The following ENOSF1 variants were observed in gnomAD, a reference collection of about 807,000 sequenced individuals.
ENOSF1 encodes mitochondrial enolase superfamily member 1.
In ENOSF1, 73 loss-of-function variants were observed where a neutral mutation model predicts 68.2. The ratio of observed to expected loss-of-function variants is 1.07; its 90% CI spans 0.89 to 1.30. The LOEUF is 1.30. Ranked by LOEUF, ENOSF1 falls within the 50% of genes most tolerant of loss-of-function variation. The probability of loss-of-function intolerance (pLI) is 0.00; values close to 1 mark genes in which losing one functional copy is unlikely to be tolerated. For synonymous variants in ENOSF1, 223 were observed against 210.4 expected (o/e 1.06, Z -0.52); for missense variants, 589 against 554.5 (o/e 1.06, Z -0.62).
At position 675,332 on chromosome 18, in the gene ENOSF1, T is replaced by C. The variant is rs2075377611; in HGVS notation, c.1219A>G (p.Met407Val). Reference protein sequence around the residue: ...YPVMIQRASYMPPKDPGYSTE... With the variant: ...YPVMIQRASYVPPKDPGYSTE... ...AGGCCACAGCTTACCTTGGGAGGCATGTAGGAAGCCCGCTGGATCATCACG... is the reference window on the plus strand; with the variant it reads ...AGGCCACAGCTTACCTTGGGAGGCACGTAGGAAGCCCGCTGGATCATCACG... The change falls in exon 15 of 16, where the codon ATG (methionine) becomes GTG (valine). Residue 407 changes from methionine (M) to valine (V), a missense_variant. Coordinates refer to ENST00000647584, the MANE Select transcript of ENOSF1 (RefSeq NM_017512.7). 6.2e-7 allele frequency: 1 copy of C among 1,611,734 alleles called. No homozygotes were observed. Among genetic ancestry groups the C allele is most frequent in the Non-Finnish European group, 8.5e-7 (1 of 1,179,406 alleles).
chr18:678,617 C>T (rs1463540733), intron 12 of ENOSF1, 79 bp downstream of exon 12: 8 of 1,438,536 alleles, frequency 5.6e-6, no homozygotes, highest in Non-Finnish European at 7.8e-6. Flanking sequence ...GAGCCTAACA[C>T]ACAACTGTGT....
chr18:681,902 T>C (rs950156967), intron 11 of ENOSF1, among the ~76,000 whole-genome samples: 2 of 152,212 alleles, frequency 1.3e-5, no homozygotes, highest in Non-Finnish European at 2.9e-5. Context: ...GATCATGTGC[T>C]GATTTGCTGA....
At chr18:697,428 A>C in intron 2 of ENOSF1, 73 bp from the exon 3 acceptor site, 3 of 1,125,262 alleles carry the variant, frequency 2.7e-6, no homozygotes, top group Non-Finnish European at 4.0e-6. Context: ...AAAACATCAC[A>C]AACAAACAAA....
downstream of ENOSF1, among the ~76,000 whole-genome samples, chr18:667,131 A>AGATGGTGATGGTGATGGTGATGGT (rs1179372941): frequency 5.8e-5 from 2 of 34,742 alleles, no homozygotes; most frequent in Non-Finnish European, 4.8e-5. Flanking sequence ...ATGGTGATGG[A>AGATGGTGATGGTGATGGTGATGGT]GATGGTGATG....
chr18:682,713 A>G (rs2076192252), intron 11 of ENOSF1, among the ~76,000 whole-genome samples: 1 of 128,990 alleles, frequency 7.8e-6, no homozygotes, highest in African/African-American at 3.2e-5. Flanking sequence ...TACTAAAAAT[A>G]CCAAAAAAAA....
chr18:677,381 A>G lies in ENOSF1; in HGVS notation c.1112T>C (p.Phe371Ser), dbSNP rs200409562. The stretch of plus-strand genomic sequence containing the variant: ...GCTTGCAGAAACTGATATGTAGTCA[A>G]ATATAATCAGGTGCTGCACCAGTTC... ...LCELVQHLII[F>S]DYISVSASLE... The change falls in exon 14 of 16, where the codon TTT (phenylalanine) becomes TCT (serine). Residue 371 changes from phenylalanine to serine, a missense_variant. Transcript: ENST00000647584. The G allele has an allele frequency of 3.4e-4, 548 of 1,613,906 alleles. 1 individual carries two copies. The highest frequency in any genetic ancestry group is 4.2e-4 in the Non-Finnish European group (491 of 1,179,968).
At chr18:683,402 A>G in intron 10 of ENOSF1, 22 bp from the exon 11 acceptor site, 2 of 1,613,762 alleles carry the variant, frequency 1.2e-6, no homozygotes, top group South Asian at 2.2e-5. Context: ...GACTCTTCAC[A>G]GGGAGGTCAG....
intron 1 of ENOSF1, among the ~76,000 whole-genome samples, chr18:710,835 G>A (rs2079443835): frequency 6.6e-6 from 1 of 152,238 alleles, no homozygotes; most frequent in South Asian, 2.1e-4. Context: ...CAGAGGCAAA[G>A]GCAGTTGCAT....
At position 677,807 on chromosome 18, in the gene ENOSF1, GTCAATCTGGAGGAAC is replaced by G; in HGVS notation, c.969_983del (p.Gln323_Asp328delinsHis). The G allele has an allele frequency of 6.2e-7, 1 of 1,614,150 alleles. No homozygotes were observed. The highest frequency in any genetic ancestry group is 8.5e-7 in the Non-Finnish European group (1 of 1,180,002). On this transcript the variant is annotated inframe_deletion, in exon 13 of 16. Transcript: ENST00000647584. ...CATTGACACTGCCCAGTCTGCAACT[GTCAATCTGGAGGAAC>G]TGCAGGGCCTTCGCCTGTAGGAGTT...
At chr18:666,286 G>A (rs554369478), downstream of ENOSF1, among the ~76,000 whole-genome samples, 2 of 151,766 alleles carry the variant, frequency 1.3e-5, no homozygotes, top group East Asian at 3.9e-4. Context: ...GGGACAAAAT[G>A]CCCCCATTGC....
Position 674,223 on chromosome 18 carries a change from T to A in ENOSF1, c.*82A>T, listed in dbSNP as rs1231819636. 3.1e-6 allele frequency: 3 copies of A among 968,576 alleles called. No homozygotes were observed. Among genetic ancestry groups the A allele is most frequent in the South Asian group, 1.5e-5 (1 of 65,182 alleles). The allele number at this position is 968,576 out of a possible 1,614,324, so 60.0% of individuals were successfully genotyped here. On this transcript the variant is annotated 3_prime_UTR_variant, in exon 16 of 16. Coordinates refer to ENST00000647584, the MANE Select transcript of ENOSF1 (RefSeq NM_017512.7). ...ACTCATCTTGATCGGTAGGATTTTT[T>A]AAATCCATTTTTGTAAAACTATTTC...
chr18:671,086 T>A lies in ENOSF1; in HGVS notation c.*3219A>T. The A allele has an allele frequency of 1.6e-6, 1 of 631,484 alleles. No homozygotes were observed. The highest frequency in any genetic ancestry group is 2.7e-6 in the Non-Finnish European group (1 of 368,524). 39.1% of individuals were successfully genotyped at this position (631,484 alleles called of 1,614,324 possible). A position where few individuals can be genotyped will look rare whatever the true frequency, so the allele number is the denominator to read the frequency against. ...CTAACAGATCTATACAGGTTGTTTG[T>A]GATACAGCTTCTATGGATTTTCTCA... On this transcript the variant is annotated 3_prime_UTR_variant, in exon 16 of 16. Transcript: ENST00000647584.
chr18:677,288 C>G, intron 14 of ENOSF1, 57 bp downstream of exon 14: 1 of 1,411,872 alleles, frequency 7.1e-7, no homozygotes, highest in Non-Finnish European at 1.0e-6. Context: ...TTTACAAGCT[C>G]TGGCCTGGAT....
At chr18:682,715 C>CAAAAAAAAAAAAAAAA (rs35814994) in intron 11 of ENOSF1, among the ~76,000 whole-genome samples, 1 of 56,672 alleles carries the variant, frequency 1.8e-5, no homozygotes, top group East Asian at 4.4e-4. Flanking sequence ...CTAAAAATAC[C>CAAAAAAAAAAAAAAAA]AAAAAAAAAA....
At chr18:664,172 T>G in the ENOSF1 span, among the ~76,000 whole-genome samples, 3 of 152,110 alleles carry the variant, frequency 2.0e-5, no homozygotes, top group African/African-American at 7.3e-5. Context: ...TTCCATTTCT[T>G]TGTATCCTCT....
chr18:672,824 A>C lies in ENOSF1; in HGVS notation c.*1481T>G. On this transcript the variant is annotated 3_prime_UTR_variant, in exon 16 of 16. Coordinates refer to ENST00000647584, the MANE Select transcript of ENOSF1 (RefSeq NM_017512.7). ...GAGGAGCAATTACAACAGGTCGTACAATTATGGCAAAATAATGGCCTTATT... is the reference window on the plus strand; with the variant it reads ...GAGGAGCAATTACAACAGGTCGTACCATTATGGCAAAATAATGGCCTTATT... The C allele has an allele frequency of 6.5e-7, 1 of 1,541,502 alleles. No homozygotes were observed. The highest frequency in any genetic ancestry group is 8.9e-7 in the Non-Finnish European group (1 of 1,129,674).
chr18:685,396 C>T (rs2076520911), intron 10 of ENOSF1, among the ~76,000 whole-genome samples: 1 of 151,572 alleles, frequency 6.6e-6, no homozygotes, highest in South Asian at 2.1e-4. Context: ...AAATAGTGAT[C>T]CTGGGTCAAG....
chr18:690,716 GGA>G (rs2077059003), intron 7 of ENOSF1, 85 bp from the exon 8 acceptor site: 1 of 1,582,014 alleles, frequency 6.3e-7, no homozygotes, highest in Admixed American at 1.8e-5. Flanking sequence ...TGTTTCCCCT[GGA>G]GAGTCCAGCT....
chr18:712,584 C>T lies in ENOSF1; in HGVS notation c.4G>A (p.Val2Met). The T allele has an allele frequency of 6.5e-7, 1 of 1,536,618 alleles. No homozygotes were observed. ...GAGAGCCGGGAGATCCTGCCGCGCA[C>T]CATGGCCCCTGCGCCCCGTGGCCGC... Reference protein sequence around the residue: MVRGRISRLSVR... With the variant: MMRGRISRLSVR... The change falls in exon 1 of 16, where the codon GTG becomes ATG. Residue 2 changes from valine to methionine, a missense_variant. Physicochemically the swap from Val to Met is conservative, Grantham distance 21. Coordinates refer to ENST00000647584, the MANE Select transcript of ENOSF1 (RefSeq NM_017512.7).
Sources: allele counts gnomAD v4.1 joint callset (sites outside exome capture counted in the v4.1 genomes callset), GRCh38; gene constraint gnomAD v4.1.1; transcripts MANE v1.5; gene names NCBI Gene and HGNC (gene_info 2026-07-23, HGNC 2026-07-21).